The following NCOA2 variants were observed in gnomAD, a reference collection of about 807,000 sequenced individuals.
NCOA2 encodes nuclear receptor coactivator 2.
Under a neutral mutation model 145.1 loss-of-function variants are expected in NCOA2, and 21 were observed. The ratio of observed to expected loss-of-function variants is 0.14; its 90% CI spans 0.10 to 0.21. NCOA2 has a LOEUF of 0.21. Among genes scored for constraint, NCOA2 ranks in the 10% least tolerant of loss-of-function variants. The probability of loss-of-function intolerance (pLI) is 1.00; values close to 1 mark genes in which losing one functional copy is unlikely to be tolerated. For synonymous variants in NCOA2, 619 were observed against 637.5 expected, an observed-to-expected ratio of 0.97 and a Z score of 0.44; for missense variants, 1,472 against 1,837.6, an observed-to-expected ratio of 0.80 and a Z score of 3.64.
chr8:70,222,837 TAAG>T (rs1820273427), intron 2 of NCOA2, among the ~76,000 whole-genome samples: 1 of 152,164 alleles, frequency 6.6e-6, no homozygotes, highest in Admixed American at 6.5e-5. Context: ...CCAGAATACA[TAAG>T]TAGCAGGGAG....
chr8:70,402,933 C>A (rs1328531386), intron 1 of NCOA2, among the ~76,000 whole-genome samples: 1 of 145,368 alleles, frequency 6.9e-6, no homozygotes, highest in African/African-American at 2.5e-5. Flanking sequence ...CCGCCCGCCC[C>A]GCCCGCCGCA....
intron 14 of NCOA2, among the ~76,000 whole-genome samples, chr8:70,139,813 C>T (rs954515662): frequency 9.2e-5 from 14 of 151,788 alleles, no homozygotes; most frequent in South Asian, 6.3e-4. Flanking sequence ...CCACCACCCC[C>T]GGCTAATTTT....
At chr8:70,203,339 T>C (rs1001845066) in intron 4 of NCOA2, among the ~76,000 whole-genome samples, 12 of 149,286 alleles carry the variant, frequency 8.0e-5, no homozygotes, top group African/African-American at 3.0e-4. Flanking sequence ...AGTCTGAAAA[T>C]ACGTAAGTCT....
At chr8:70,239,944 T>C (rs73684235) in intron 2 of NCOA2, among the ~76,000 whole-genome samples, 8,662 of 152,208 alleles carry the variant, frequency 0.057, 824 homozygotes, top group African/African-American at 0.2. Flanking sequence ...CCTTTGCTAC[T>C]ACAGTCAACA....
the NCOA2 span, among the ~76,000 whole-genome samples, chr8:70,451,235 A>T: frequency 0.032 from 3,153 of 97,748 alleles, 45 homozygotes; most frequent in African/African-American, 0.05. Flanking sequence ...AAAAAAAAAA[A>T]AAATATATAT....
chr8:70,426,898 T>G, the NCOA2 span, among the ~76,000 whole-genome samples: 1 of 152,186 alleles, frequency 6.6e-6, no homozygotes, highest in African/African-American at 2.4e-5. Context: ...GCTCAAAGGA[T>G]CCTCCTGCCT....
chr8:70,227,221 AC>A (rs1288299438), intron 2 of NCOA2, among the ~76,000 whole-genome samples: 1 of 152,004 alleles, frequency 6.6e-6, no homozygotes, highest in East Asian at 1.9e-4. Context: ...CCTTTTGTCC[AC>A]TGTCACTCAT....
At chr8:70,416,894 G>A in the NCOA2 span, among the ~76,000 whole-genome samples, 2 of 152,098 alleles carry the variant, frequency 1.3e-5, no homozygotes, top group African/African-American at 4.8e-5. Flanking sequence ...CATGCTTTTT[G>A]GGGGACACAT....
At chr8:70,268,805 T>C (rs1294356660) in intron 2 of NCOA2, among the ~76,000 whole-genome samples, 1 of 152,206 alleles carries the variant, frequency 6.6e-6, no homozygotes, top group Non-Finnish European at 1.5e-5. Flanking sequence ...ACAGTAACAC[T>C]AGTTACTGGA....
At chr8:70,365,484 T>C (rs552003087) in intron 1 of NCOA2, among the ~76,000 whole-genome samples, 3 of 152,264 alleles carry the variant, frequency 2.0e-5, no homozygotes, top group Admixed American at 6.5e-5. Flanking sequence ...TGATTATCTA[T>C]GTAGTCTCTA....
rs869045939 is a variant in NCOA2 at position 70,159,243 on chromosome 8, T to TATATATATATATATATA, written c.1124+261_1124+262insTATATATATATATATAT. ...AACATTATATATATATATATATATA[T>TATATATATATATATATA]TTTTTTTTTTTTCCCCCAAATATTT... On this transcript the variant is annotated intron_variant, in intron 10 of 22. Coordinates refer to ENST00000452400, the MANE Select transcript of NCOA2 (RefSeq NM_006540.4). Among the ~76,000 whole-genome samples the TATATATATATATATATA allele has an allele frequency of 4.9e-4, 40 of 82,034 alleles. 1 individual carries two copies. Among genetic ancestry groups the TATATATATATATATATA allele is most frequent in the Middle Eastern group, 6.8e-3 (1 of 146 alleles). The allele number at this position is 82,034 out of a possible 152,430, so 53.8% of individuals were successfully genotyped here. A position where few individuals can be genotyped will look rare whatever the true frequency, so the allele number is the denominator to read the frequency against.
chr8:70,341,855 T>C (rs1004630292), intron 1 of NCOA2, among the ~76,000 whole-genome samples: 1 of 152,226 alleles, frequency 6.6e-6, no homozygotes, highest in African/African-American at 2.4e-5. Flanking sequence ...CATTTAATAA[T>C]ACATGTTCAA....
the NCOA2 span, among the ~76,000 whole-genome samples, chr8:70,416,238 T>C: frequency 6.6e-6 from 1 of 151,384 alleles, no homozygotes; most frequent in East Asian, 1.9e-4. Flanking sequence ...GATTTAAATG[T>C]TCAATGAGCA....
intron 4 of NCOA2, among the ~76,000 whole-genome samples, chr8:70,195,692 T>C (rs1018375796): frequency 6.6e-6 from 1 of 152,208 alleles, no homozygotes; most frequent in Non-Finnish European, 1.5e-5. Flanking sequence ...ACAAGTCCCT[T>C]AAATATAAAT....
Position 70,126,976 on chromosome 8 carries a change from T to G in NCOA2, c.3753A>C (p.Gln1251His), listed in dbSNP as rs1367281139. The G allele has an allele frequency of 3.1e-6, 5 of 1,613,856 alleles. No individual in the cohort carries two copies. Among genetic ancestry groups the G allele is most frequent in the Non-Finnish European group, 4.2e-6 (5 of 1,179,862 alleles). ...GCTGAACTTGCTGTTGCTGATGCAT[T>G]TGTCTCTGTCGAAGATGCTGGTTCA... ...EILNQHLRQR[Q>H]MHQQQQVQQR... Residue 1251 changes from glutamine to histidine, a missense_variant, in exon 19 of 23, where the codon CAA (glutamine) becomes CAC (histidine). Gln to His is a conservative substitution (Grantham distance 24). Coordinates refer to ENST00000452400, the MANE Select transcript of NCOA2 (RefSeq NM_006540.4).
intron 2 of NCOA2, among the ~76,000 whole-genome samples, chr8:70,224,044 T>C (rs1314883866): frequency 6.6e-6 from 1 of 152,232 alleles, no homozygotes; most frequent in Non-Finnish European, 1.5e-5. Flanking sequence ...ATCCATTTAT[T>C]CAATATATAA....
At chr8:70,423,139 G>T in the NCOA2 span, among the ~76,000 whole-genome samples, 1 of 152,086 alleles carries the variant, frequency 6.6e-6, no homozygotes, top group African/African-American at 2.4e-5. Flanking sequence ...CAGTGTAAAG[G>T]CTGAGCCTTC....
chr8:70,371,415 A>T (rs569563519), intron 1 of NCOA2, among the ~76,000 whole-genome samples: 1 of 152,318 alleles, frequency 6.6e-6, no homozygotes, highest in African/African-American at 2.4e-5. Flanking sequence ...AAAATAAAAT[A>T]AAATAAAGGT....
intron 19 of NCOA2, 62 bp downstream of exon 19, chr8:70,126,751 A>G: frequency 7.1e-7 from 1 of 1,400,116 alleles, no homozygotes; most frequent in South Asian, 1.2e-5. Flanking sequence ...GCTGTGACCC[A>G]ACACTGGGGG....
Sources: gnomAD v4.1 joint callset for allele counts (sites outside exome capture counted in the v4.1 genomes callset) on GRCh38, gnomAD v4.1.1 for gene constraint, MANE v1.5 for transcripts, NCBI Gene and HGNC (gene_info 2026-07-23, HGNC 2026-07-21) for gene names.